Variants in ZFP64 observed in about 807,000 individuals in gnomAD.
ZFP64 encodes zinc finger protein 64.
A neutral mutation model predicts 51.6 loss-of-function variants in ZFP64; 14 were observed. The observed-to-expected ratio is 0.27, with a 90% confidence interval of 0.18 to 0.42. The LOEUF (loss-of-function observed/expected upper bound fraction) is 0.42, where lower values mean the gene tolerates loss of function less well. ZFP64 is among the 10% of genes least tolerant of loss of function. ZFP64 has a pLI of 1.00. For missense variants in ZFP64, 754 were observed against 906.8 expected (o/e 0.83, Z 2.16); for synonymous variants, 375 against 361.4 (o/e 1.04, Z -0.43).
chr20:52,172,946 T>C (rs1384043777), intron 2 of ZFP64, among the ~76,000 whole-genome samples: 3 of 152,210 alleles, frequency 2.0e-5, no homozygotes, highest in East Asian at 1.9e-4. Flanking sequence ...TTCTGGTTTG[T>C]AGCAGGGGCA....
At chr20:52,127,718 T>A (rs1033870871) in intron 5 of ZFP64, among the ~76,000 whole-genome samples, 1 of 152,130 alleles carries the variant, frequency 6.6e-6, no homozygotes, top group African/African-American at 2.4e-5. Context: ...GAAGACAGGA[T>A]GGGAAGAAAT....
chr20:52,145,028 T>C (rs74976330), intron 5 of ZFP64, among the ~76,000 whole-genome samples: 3 of 152,136 alleles, frequency 2.0e-5, no homozygotes, highest in Non-Finnish European at 4.4e-5. Context: ...GAACAGATAA[T>C]TTCTGAGATA....
intron 2 of ZFP64, among the ~76,000 whole-genome samples, chr20:52,181,976 G>C (rs1983645697): frequency 6.6e-6 from 1 of 152,212 alleles, no homozygotes; most frequent in Non-Finnish European, 1.5e-5. Flanking sequence ...AGCTGAGTCA[G>C]ACGGAGACAA....
intron 2 of ZFP64, among the ~76,000 whole-genome samples, chr20:52,179,144 G>T (rs6096806): frequency 6.6e-6 from 1 of 152,296 alleles, no homozygotes; most frequent in East Asian, 1.9e-4. Context: ...AGTCTTATGA[G>T]AGCTGATGGT....
chr20:52,102,107 C>CAAAAAAAAAAAAAAAAAAA lies in ZFP64; in HGVS notation c.764-3521_764-3520insTTTTTTTTTTTTTTTTTTT, dbSNP rs34646115. ...AGCCTGGTGAGAGTAACTCCATCTC[C>CAAAAAAAAAAAAAAAAAAA]AAAAAAAAAAAAAAAAAAGGCAGCA... On this transcript the variant is annotated intron_variant, in intron 5 of 8. Transcript: ENST00000361387. Among the ~76,000 whole-genome samples the CAAAAAAAAAAAAAAAAAAA allele has an allele frequency of 2.7e-3, 171 of 63,380 alleles. 12 individuals carry two copies. The highest frequency in any genetic ancestry group is 8.8e-3 in the African/African-American group (130 of 14,704). 41.6% of individuals were successfully genotyped at this position (63,380 alleles called of 152,430 possible).
intron 2 of ZFP64, among the ~76,000 whole-genome samples, chr20:52,171,753 T>TG (rs1555809445): frequency 6.9e-6 from 1 of 144,524 alleles, no homozygotes; most frequent in East Asian, 2.1e-4. Flanking sequence ...GCCTCCCCAA[T>TG]TTTTTTTTTT....
Position 52,191,735 on chromosome 20 carries a change from C to G in ZFP64, c.-99G>C, listed in dbSNP as rs1984393952. The G allele has an allele frequency of 6.5e-6, 9 of 1,376,064 alleles. No homozygotes were observed. Among genetic ancestry groups the G allele is most frequent in the South Asian group, 3.0e-5 (2 of 66,640 alleles). The allele number at this position is 1,376,064 out of a possible 1,614,324, so 85.2% of individuals were successfully genotyped here. On this transcript the variant is annotated 5_prime_UTR_variant, in exon 1 of 6. Transcript: ENST00000216923. This position sits in a 1 kb window ranked among gnomAD's most constrained non-coding sequence, Gnocchi z 4.3. ...TTTTCCTTTTATTTTTCCACACCCC[C>G]CACCCTGCCTTCTCCCAACTCTGCG... is the stretch of plus-strand genomic sequence containing the variant.
chr20:52,090,721 C>T (rs1456814009), intron 7 of ZFP64, among the ~76,000 whole-genome samples: 1 of 151,672 alleles, frequency 6.6e-6, no homozygotes, highest in Admixed American at 6.6e-5. Context: ...ATGGCTTGAA[C>T]CCAGGAGGAG....
chr20:52,184,635 A>AT (rs201647028), intron 2 of ZFP64, among the ~76,000 whole-genome samples: 1 of 150,032 alleles, frequency 6.7e-6, no homozygotes, highest in African/African-American at 2.5e-5. Context: ...CCTCTTTTTT[A>AT]TTTTATTTAA....
downstream of ZFP64, among the ~76,000 whole-genome samples, chr20:52,149,321 G>A (rs1207508160): frequency 5.4e-5 from 8 of 149,256 alleles, no homozygotes; most frequent in African/African-American, 9.8e-5. Flanking sequence ...TGGGGCAGTC[G>A]TAATGGCAAA....
intron 5 of ZFP64, among the ~76,000 whole-genome samples, chr20:52,142,699 G>T (rs149312826): frequency 0.014 from 2,038 of 144,430 alleles, 352 homozygotes; most frequent in Admixed American, 0.093. Context: ...AATTAGCTGG[G>T]TGTGGTGGGG....
intron 6 of ZFP64, among the ~76,000 whole-genome samples, chr20:52,098,056 A>G (rs2079009896): frequency 6.6e-6 from 1 of 151,032 alleles, no homozygotes; most frequent in Admixed American, 6.6e-5. Flanking sequence ...ACAGAGCAAG[A>G]CCTTGTCTTG....
intron 5 of ZFP64, among the ~76,000 whole-genome samples, chr20:52,122,121 T>C (rs1381085180): frequency 1.3e-5 from 2 of 152,216 alleles, no homozygotes; most frequent in Non-Finnish European, 2.9e-5. Context: ...AGCTCTGATG[T>C]AGATGTACAA....
At chr20:52,135,781 G>A (rs1427077991) in intron 5 of ZFP64, among the ~76,000 whole-genome samples, 7 of 151,956 alleles carry the variant, frequency 4.6e-5, no homozygotes, top group South Asian at 2.1e-4. Context: ...GAGCCACTGC[G>A]CCCTGCCAAG....
chr20:52,187,260 C>T (rs1214679043), intron 1 of ZFP64, among the ~76,000 whole-genome samples, 189 bp from the exon 2 acceptor site: 1 of 152,106 alleles, frequency 6.6e-6, no homozygotes, highest in Non-Finnish European at 1.5e-5. Flanking sequence ...TATCATATTT[C>T]CACACAGAGA....
chr20:52,183,853 G>A (rs1280583043), intron 2 of ZFP64, among the ~76,000 whole-genome samples: 1 of 152,082 alleles, frequency 6.6e-6, no homozygotes, highest in African/African-American at 2.4e-5. Context: ...GGGGAAAGTT[G>A]GTTTCCTTTT....
chr20:52,167,280 G>T (rs1016806268), intron 2 of ZFP64, among the ~76,000 whole-genome samples: 8 of 151,830 alleles, frequency 5.3e-5, no homozygotes, highest in African/African-American at 1.9e-4. Context: ...AGCCAAGATC[G>T]TGCTGTTACA....
intron 2 of ZFP64, among the ~76,000 whole-genome samples, chr20:52,177,173 C>G (rs1983289673): frequency 6.6e-6 from 1 of 152,100 alleles, no homozygotes; most frequent in Middle Eastern, 3.2e-3. Flanking sequence ...CAAATTTGAT[C>G]ATGCATCACA....
chr20:52,090,457 C>T (rs1471781568), intron 7 of ZFP64, among the ~76,000 whole-genome samples: 8 of 152,004 alleles, frequency 5.3e-5, no homozygotes, highest in Non-Finnish European at 1.5e-5. Context: ...GAAAATACTA[C>T]AATGGAAAAA....
Sources: gnomAD v4.1 joint callset for allele counts (sites outside exome capture counted in the v4.1 genomes callset) on GRCh38, gnomAD v4.1.1 for gene constraint, Gnocchi (gnomAD v3.1) non-coding constraint, MANE v1.5 for transcripts, NCBI Gene and HGNC (gene_info 2026-07-23, HGNC 2026-07-21) for gene names.